Variants in RPTOR observed in about 807,000 individuals in gnomAD.
The protein encoded by RPTOR is regulatory-associated protein of mTOR.
RPTOR carries 21 observed loss-of-function variants against 169.9 expected under a neutral mutation model. The observed-to-expected ratio is 0.12, with a 90% CI of 0.09 to 0.18. The LOEUF (loss-of-function observed/expected upper bound fraction) is 0.18, where lower values mean the gene tolerates loss of function less well. Ranked by LOEUF, RPTOR falls within the 10% of genes least tolerant of loss-of-function variation. RPTOR has a pLI of 1.00. For synonymous variants in RPTOR, 732 were observed against 753.2 expected (o/e 0.97, Z 0.46); for missense variants, 1,133 against 1,855.9 (o/e 0.61, Z 7.16).
rs563418245 is a variant in RPTOR, at chr17:80,959,014, G to A, written c.3478-1064G>A. 1.4e-3 allele frequency among the ~76,000 whole-genome samples: 216 copies of A among 152,370 alleles called. No homozygotes were observed. Among genetic ancestry groups the A allele is most frequent in the Admixed American group, 3.5e-3 (53 of 15,312 alleles). The stretch of plus-strand genomic sequence containing the variant: ...AGGCCATCTGGTGTCAGGAGGGATG[G>A]CTCAGCCCTGCTGCCGTAGAGGGCG... On this transcript the variant is annotated intron_variant, in intron 29 of 33. Transcript: ENST00000306801. The surrounding 1 kb of genome is among the most constrained non-coding windows in gnomAD (Gnocchi z 6.7).
intron 9 of RPTOR, among the ~76,000 whole-genome samples, chr17:80,829,236 A>C (rs1040941719): frequency 6.6e-6 from 1 of 152,220 alleles, no homozygotes; most frequent in Non-Finnish European, 1.5e-5. Flanking sequence ...ACTTCTTTAC[A>C]TGAGGAGAAT....
chr17:80,668,461 G>C (rs1355514866), intron 3 of RPTOR, among the ~76,000 whole-genome samples: 1 of 152,200 alleles, frequency 6.6e-6, no homozygotes, highest in Admixed American at 6.5e-5. Context: ...TGTCCCCTCA[G>C]CATGCACTTG....
intron 7 of RPTOR, chr17:80,805,500 A>T (rs1044824364): frequency 1.2e-4 from 18 of 151,664 alleles, no homozygotes; most frequent in African/African-American, 3.4e-4. Flanking sequence ...TTCTCAGGAG[A>T]CTCTGCTTGG....
intron 26 of RPTOR, 89 bp downstream of exon 26, chr17:80,945,870 T>A: frequency 1.4e-6 from 1 of 739,902 alleles, no homozygotes; most frequent in Non-Finnish European, 2.1e-6. Context: ...TCCTCTTCCT[T>A]GAAAAGCAGA....
At position 80,601,481 on chromosome 17, in the gene RPTOR, A is replaced by G. The variant is rs375953324; in HGVS notation, c.163-24210A>G. On this transcript the variant is annotated intron_variant, in intron 1 of 33. Coordinates refer to ENST00000306801, the MANE Select transcript of RPTOR (RefSeq NM_020761.3). ...AGATGGGCAGAACTTCTCATCCCAC[A>G]CATCCCAGCCTTCTTTAAACTTCCC... 4.8e-4 allele frequency among the ~76,000 whole-genome samples: 72 copies of G among 150,494 alleles called. 2 individuals carry two copies. The South Asian group carries it at 0.015, about 31-fold the overall frequency.
At chr17:80,765,798 A>G (rs2066780886) in intron 6 of RPTOR, among the ~76,000 whole-genome samples, 1 of 152,166 alleles carries the variant, frequency 6.6e-6, no homozygotes, top group Non-Finnish European at 1.5e-5. Flanking sequence ...TGTCACGTCT[A>G]AATAGAGGTT....
At chr17:80,780,501 C>T (rs1274899329) in intron 6 of RPTOR, among the ~76,000 whole-genome samples, 1 of 152,130 alleles carries the variant, frequency 6.6e-6, no homozygotes, top group Non-Finnish European at 1.5e-5. Context: ...TTGCTGACAC[C>T]CTCTGACCCT....
At chr17:80,757,886 T>C (rs1160069758) in intron 6 of RPTOR, among the ~76,000 whole-genome samples, 1 of 152,124 alleles carries the variant, frequency 6.6e-6, no homozygotes, top group Non-Finnish European at 1.5e-5. Context: ...CTCACCTTTA[T>C]GAGTGTTCTT....
chr17:80,647,055 C>T (rs746656982), intron 3 of RPTOR, among the ~76,000 whole-genome samples: 4 of 152,096 alleles, frequency 2.6e-5, no homozygotes, highest in Non-Finnish European at 5.9e-5. Context: ...TAGGTGATTC[C>T]AGTTCAAAAG....
At chr17:80,807,863 C>T (rs1237734644) in intron 7 of RPTOR, among the ~76,000 whole-genome samples, 3 of 152,150 alleles carry the variant, frequency 2.0e-5, no homozygotes. Flanking sequence ...TCATAGTCTT[C>T]CCATTGTTAC....
At chr17:80,935,343 A>C (rs767466817) in intron 24 of RPTOR, among the ~76,000 whole-genome samples, 1 of 152,172 alleles carries the variant, frequency 6.6e-6, no homozygotes, top group Non-Finnish European at 1.5e-5. Flanking sequence ...TTTTGGTAAA[A>C]ATAGAGAAGT....
rs138418730 is a variant in RPTOR at position 80,959,187 on chromosome 17, G to A, written c.3478-891G>A. Among the ~76,000 whole-genome samples the A allele has an allele frequency of 1.6e-3, 243 of 152,328 alleles. 1 individual carries two copies. Among genetic ancestry groups the A allele is most frequent in the African/African-American group, 5.4e-3 (223 of 41,578 alleles). Reference sequence around the variant, plus strand: ...CCTCTGACGTGACCGTGGATCCCTCGAGGCACCAGCAGCTTTCATGGCACC... The same window carrying A: ...CCTCTGACGTGACCGTGGATCCCTCAAGGCACCAGCAGCTTTCATGGCACC... On this transcript the variant is annotated intron_variant, in intron 29 of 33. Transcript: ENST00000306801. The surrounding 1 kb of genome is among the most constrained non-coding windows in gnomAD (Gnocchi z 6.7).
intron 13 of RPTOR, among the ~76,000 whole-genome samples, chr17:80,858,297 G>A (rs1024422623): frequency 6.6e-5 from 10 of 152,318 alleles, no homozygotes; most frequent in South Asian, 4.1e-4. Flanking sequence ...CCCAGACCCC[G>A]CATTGGCTCT....
At chr17:80,761,395 C>T (rs187250253) in intron 6 of RPTOR, among the ~76,000 whole-genome samples, 64 of 152,240 alleles carry the variant, frequency 4.2e-4, no homozygotes, top group Middle Eastern at 3.4e-3. Flanking sequence ...GAAGGATTTC[C>T]AGGACTATAA....
Position 80,965,092 on chromosome 17 carries a change from G to T in RPTOR, c.*762G>T, listed in dbSNP as rs1598430745. ...CTGTGGCGGTGCACAGGGGAGGCAG[G>T]TCCTTGGCGAGGTAGCCCCTGCCTT... On this transcript the variant is annotated 3_prime_UTR_variant, in exon 34 of 34. Transcript: ENST00000306801. 4.3e-6 allele frequency: 1 copy of T among 233,302 alleles called. No homozygotes were observed. Among genetic ancestry groups the T allele is most frequent in the East Asian group, 6.0e-5 (1 of 16,590 alleles). 14.5% of individuals were successfully genotyped at this position (233,302 alleles called of 1,614,324 possible). A position where few individuals can be genotyped will look rare whatever the true frequency, so the allele number is the denominator to read the frequency against.
chr17:80,963,853 G>GAGTCCTCACCCTGTCCCCTGTGCGGCCA (rs2069385607), intron 33 of RPTOR, among the ~76,000 whole-genome samples: 1 of 149,222 alleles, frequency 6.7e-6, no homozygotes, highest in African/African-American at 2.6e-5. Flanking sequence ...CTGTGCGGCC[G>GAGTCCTCACCCTGTCCCCTGTGCGGCCA]GGCCCCACCT....
At position 80,964,477 on chromosome 17, in the gene RPTOR, G is replaced by A. The variant is rs2069399334; in HGVS notation, c.*147G>A. 4 of 741,868 alleles carry A rather than the reference G, an allele frequency of 5.4e-6. No individual in the cohort carries two copies. Among genetic ancestry groups the A allele is most frequent in the South Asian group, 1.6e-5 (1 of 61,572 alleles). 46.0% of individuals were successfully genotyped at this position (741,868 alleles called of 1,614,324 possible). On this transcript the variant is annotated 3_prime_UTR_variant, in exon 34 of 34. Coordinates refer to ENST00000306801, the MANE Select transcript of RPTOR (RefSeq NM_020761.3). ...CTGCTGATGACGGCAGGAGGGCCCT[G>A]CTACTCGCTTTTGTCTGTCTTCGCT...
intron 1 of RPTOR, among the ~76,000 whole-genome samples, chr17:80,561,236 AATTTATATATATATGTATATATATATGT>A (rs2084484245): frequency 1.1e-5 from 1 of 94,782 alleles, no homozygotes; most frequent in East Asian, 3.6e-4. Context: ...ACACCCGGCT[AATTTATATATATATGTATATATATATGT>A]ATATATATAT....
At chr17:80,773,879 C>A (rs556583007) in intron 6 of RPTOR, 2 of 985,252 alleles carry the variant, frequency 2.0e-6, no homozygotes, top group Admixed American at 1.2e-4. Context: ...CTCCCTCAGA[C>A]GTCGACCGCT....
Sources: gnomAD v4.1 joint callset for allele counts (sites outside exome capture counted in the v4.1 genomes callset) on GRCh38, gnomAD v4.1.1 for gene constraint, Gnocchi (gnomAD v3.1) non-coding constraint, MANE v1.5 for transcripts, NCBI Gene and HGNC (gene_info 2026-07-23, HGNC 2026-07-21) for gene names.